The following GREB1L variants were observed in gnomAD, a reference collection of about 807,000 sequenced individuals.
The protein encoded by GREB1L is GREB1-like protein.
A neutral mutation model predicts 200.8 loss-of-function variants in GREB1L; 17 were observed. The ratio of observed to expected loss-of-function variants is 0.08; its 90% CI spans 0.06 to 0.13. The LOEUF is 0.13. Among genes scored for constraint, GREB1L ranks in the 10% least tolerant of loss-of-function variants. The pLI is 1.00. For synonymous variants in GREB1L, 789 were observed against 893.0 expected, an observed-to-expected ratio of 0.88 and a Z score of 2.08; for missense variants, 1,657 against 2,367.7, an observed-to-expected ratio of 0.70 and a Z score of 6.23.
intron 1 of GREB1L, among the ~76,000 whole-genome samples, chr18:21,328,188 T>G (rs2145001685): frequency 6.7e-6 from 1 of 150,184 alleles, no homozygotes. Context: ...CCCCCCCCCG[T>G]TCCCCAGGAT....
chr18:21,454,617 C>A (rs2034671070), intron 15 of GREB1L, 54 bp downstream of exon 15: 2 of 1,319,580 alleles, frequency 1.5e-6, no homozygotes, highest in East Asian at 2.5e-5. Context: ...CAGATCCCCT[C>A]TGCCTCTTTC....
intron 5 of GREB1L, among the ~76,000 whole-genome samples, chr18:21,396,308 G>A (rs1484429933): frequency 1.3e-5 from 2 of 152,140 alleles, no homozygotes; most frequent in Non-Finnish European, 2.9e-5. Flanking sequence ...GCCTCCCAAA[G>A]TGCTGGAATT....
chr18:21,454,263 G>GT, intron 14 of GREB1L, 103 bp from the exon 15 acceptor site: 1 of 722,968 alleles, frequency 1.4e-6, no homozygotes, highest in Non-Finnish European at 2.3e-6. Context: ...TAGTGAGAGT[G>GT]TATTACATTA....
At chr18:21,284,432 G>T in intron 1 of GREB1L, among the ~76,000 whole-genome samples, 1 of 152,042 alleles carries the variant, frequency 6.6e-6, no homozygotes, top group East Asian at 1.9e-4. Context: ...TTATATAATT[G>T]GGGGGGCTTT....
intron 1 of GREB1L, among the ~76,000 whole-genome samples, chr18:21,283,900 G>A (rs549217062): frequency 6.6e-6 from 1 of 152,328 alleles, no homozygotes; most frequent in Admixed American, 6.5e-5. Context: ...TTTCCTCTGT[G>A]CTATAGCCAG....
At chr18:21,315,587 A>G (rs1484313499) in intron 1 of GREB1L, among the ~76,000 whole-genome samples, 1 of 152,192 alleles carries the variant, frequency 6.6e-6, no homozygotes, top group Non-Finnish European at 1.5e-5. Context: ...ATTATGATGT[A>G]TTTACATAAA....
intron 7 of GREB1L, 36 bp downstream of exon 7, chr18:21,404,030 C>T: frequency 6.5e-7 from 1 of 1,530,780 alleles, no homozygotes; most frequent in Non-Finnish European, 8.9e-7. Context: ...TCAAGCATCA[C>T]ATGTATATTT....
chr18:21,336,699 A>G (rs562362642), intron 1 of GREB1L, among the ~76,000 whole-genome samples: 4 of 152,062 alleles, frequency 2.6e-5, no homozygotes, highest in Admixed American at 6.6e-5. Flanking sequence ...ACAGTGATCT[A>G]TTTCCCTTTC....
chr18:21,249,565 A>G (rs1234083957), intron 1 of GREB1L, among the ~76,000 whole-genome samples: 3 of 152,066 alleles, frequency 2.0e-5, no homozygotes, highest in African/African-American at 7.2e-5. Context: ...GAAAAGTGAG[A>G]GATATCTGGC....
At chr18:21,289,931 A>G (rs1422522683) in intron 1 of GREB1L, among the ~76,000 whole-genome samples, 1 of 152,208 alleles carries the variant, frequency 6.6e-6, no homozygotes, top group Non-Finnish European at 1.5e-5. Context: ...TAGAACATGC[A>G]AAAAGGGTGC....
intron 1 of GREB1L, among the ~76,000 whole-genome samples, chr18:21,325,362 C>T (rs1162057822): frequency 6.6e-6 from 1 of 152,140 alleles, no homozygotes; most frequent in African/African-American, 2.4e-5. Context: ...GTATCTGCTA[C>T]ATTTTTTCTT....
chr18:21,454,659 T>A, intron 15 of GREB1L, 96 bp downstream of exon 15: 1 of 913,294 alleles, frequency 1.1e-6, no homozygotes, highest in Non-Finnish European at 1.7e-6. Context: ...AGAGGATGCT[T>A]AAAACCTTCT....
chr18:21,356,288 C>A (rs1312361814), intron 1 of GREB1L, among the ~76,000 whole-genome samples: 1 of 151,998 alleles, frequency 6.6e-6, no homozygotes, highest in East Asian at 1.9e-4. Flanking sequence ...CAGCCTATTC[C>A]TTCTAACTGA....
At chr18:21,333,891 A>C (rs920681173) in intron 1 of GREB1L, among the ~76,000 whole-genome samples, 1 of 151,564 alleles carries the variant, frequency 6.6e-6, no homozygotes. Context: ...CTAAGGTGGG[A>C]GGATTGCTTG....
chr18:21,522,173 T>TAA lies in GREB1L; in HGVS notation c.5609-481_5609-480dup, dbSNP rs200345974. ...TGGAAGATTACTTACTTTATACTCT[T>TAA]AAAAATTACTGAATTTGGGCTGGGC... On this transcript the variant is annotated intron_variant, in intron 32 of 32. Transcript: ENST00000424526. 9.8e-3 allele frequency among the ~76,000 whole-genome samples: 1,494 copies of TAA among 151,712 alleles called. 12 individuals are homozygous for TAA. The highest frequency in any genetic ancestry group is 0.036 in the South Asian group (172 of 4,804).
intron 1 of GREB1L, among the ~76,000 whole-genome samples, chr18:21,248,958 TG>T (rs1325629357): frequency 1.3e-5 from 2 of 150,790 alleles, no homozygotes; most frequent in East Asian, 3.8e-4. Flanking sequence ...TTTTGGAATT[TG>T]TTAGAAAAAA....
intron 5 of GREB1L, among the ~76,000 whole-genome samples, chr18:21,399,490 T>TGGATGGAC (rs2041226490): frequency 6.6e-6 from 1 of 151,282 alleles, no homozygotes; most frequent in African/African-American, 2.4e-5. Context: ...GATGGATGGA[T>TGGATGGAC]GGATAGATGG....
intron 1 of GREB1L, among the ~76,000 whole-genome samples, chr18:21,266,428 A>G (rs2037968870): frequency 6.6e-6 from 1 of 152,200 alleles, no homozygotes; most frequent in Non-Finnish European, 1.5e-5. Context: ...ATTACCTTTA[A>G]GGCAGTGGTT....
At chr18:21,317,133 T>C (rs2038883121) in intron 1 of GREB1L, among the ~76,000 whole-genome samples, 1 of 152,034 alleles carries the variant, frequency 6.6e-6, no homozygotes, top group Non-Finnish European at 1.5e-5. Context: ...GTGCCTATAA[T>C]CGCAGCTATG....
Sources: allele counts gnomAD v4.1 joint callset (sites outside exome capture counted in the v4.1 genomes callset), GRCh38; gene constraint gnomAD v4.1.1; transcripts MANE v1.5; gene names NCBI Gene and HGNC (gene_info 2026-07-23, HGNC 2026-07-21).